The following APAF1 variants were observed in gnomAD, a reference collection of about 807,000 sequenced individuals.
APAF1 encodes apoptotic protease-activating factor 1.
Under a neutral mutation model 152.4 loss-of-function variants are expected in APAF1, and 91 were observed. The ratio of observed to expected loss-of-function variants is 0.60; its 90% CI spans 0.50 to 0.71. APAF1 has a LOEUF of 0.71. APAF1 is among the 30% of genes least tolerant of loss of function. APAF1 has a pLI of 0.00. For missense variants in APAF1, 1,283 were observed against 1,472.0 expected (o/e 0.87, Z 2.10); for synonymous variants, 484 against 494.1 (o/e 0.98, Z 0.27).
chr12:98,659,332 C>G lies in APAF1; in HGVS notation c.699C>G (p.Arg233=). 1 of 1,614,188 alleles carries G rather than the reference C, an allele frequency of 6.2e-7. No homozygotes were observed. The highest frequency in any genetic ancestry group is 8.5e-7 in the Non-Finnish European group (1 of 1,180,034). ...AKDRLRILML[R]KHPRSLLILD... is the part of the protein sequence containing the mutation. The stretch of plus-strand genomic sequence containing the variant: ...ACCGTCTCCGCATTCTGATGCTTCG[C>G]AAACACCCAAGGTACCGATGGTCAA... Residue 233 remains arginine, a synonymous_variant, in exon 5 of 27, where the codon CGC becomes CGG. Transcript: ENST00000551964.
chr12:98,673,467 A>C (rs963104025), intron 12 of APAF1, among the ~76,000 whole-genome samples: 9 of 151,648 alleles, frequency 5.9e-5, no homozygotes, highest in East Asian at 3.9e-4. Flanking sequence ...CAAAAAAAAA[A>C]CCTTGGGTCT....
chr12:98,720,275 T>A (rs1384122656), intron 22 of APAF1, among the ~76,000 whole-genome samples: 2 of 152,228 alleles, frequency 1.3e-5, no homozygotes, highest in African/African-American at 4.8e-5. Context: ...ATGAGTTAAG[T>A]AGTTGTGTTT....
intron 16 of APAF1, among the ~76,000 whole-genome samples, chr12:98,696,830 A>T (rs758799249): frequency 4.6e-5 from 7 of 152,140 alleles, no homozygotes; most frequent in Admixed American, 1.3e-4. Flanking sequence ...AAATGTATTT[A>T]TTGAATACTT....
intron 22 of APAF1, among the ~76,000 whole-genome samples, chr12:98,719,362 C>CT (rs796183480): frequency 1.3e-5 from 2 of 151,444 alleles, no homozygotes; most frequent in Non-Finnish European, 2.9e-5. Context: ...CTTTTCTTTT[C>CT]TTTTTTTTGA....
At chr12:98,710,247 T>C (rs1203540405) in intron 20 of APAF1, among the ~76,000 whole-genome samples, 1 of 149,748 alleles carries the variant, frequency 6.7e-6, no homozygotes, top group African/African-American at 2.5e-5. Flanking sequence ...ATTTAGGGCC[T>C]TTCATTAGCT....
At chr12:98,648,529 T>TA in intron 2 of APAF1, 32 bp downstream of exon 2, 1 of 1,609,868 alleles carries the variant, frequency 6.2e-7, no homozygotes, top group Non-Finnish European at 8.5e-7. Context: ...CACACTTCCT[T>TA]AAAAATTTTT....
chr12:98,732,790 A>AG lies in APAF1; in HGVS notation c.*226dup. On this transcript the variant is annotated 3_prime_UTR_variant, in exon 27 of 27. Transcript: ENST00000551964. The stretch of plus-strand genomic sequence containing the variant: ...TGATCATCATTAACAGTTTGTCCTT[A>AG]GGATGCAAATGAAAATGTGAATACA... The AG allele has an allele frequency of 2.0e-6, 1 of 504,376 alleles. No homozygotes were observed. The highest frequency in any genetic ancestry group is 3.5e-6 in the Non-Finnish European group (1 of 283,104). 31.2% of individuals were successfully genotyped at this position (504,376 alleles called of 1,614,324 possible).
intron 9 of APAF1, among the ~76,000 whole-genome samples, 197 bp from the exon 10 acceptor site, chr12:98,667,316 A>G (rs1026546228): frequency 2.0e-5 from 3 of 151,532 alleles, no homozygotes; most frequent in African/African-American, 4.8e-5. Context: ...ATATCTCTCT[A>G]TGTTGCCCAG....
intron 5 of APAF1, among the ~76,000 whole-genome samples, chr12:98,661,938 T>C (rs2097665927): frequency 6.6e-6 from 1 of 152,008 alleles, no homozygotes; most frequent in Non-Finnish European, 1.5e-5. Flanking sequence ...AATAAACAAA[T>C]TGATTAAAAA....
intron 12 of APAF1, among the ~76,000 whole-genome samples, chr12:98,676,452 G>T (rs190326312): frequency 4.5e-4 from 68 of 151,880 alleles, no homozygotes; most frequent in African/African-American, 1.6e-3. Flanking sequence ...CAAGTGATCT[G>T]CCCGCCTCGT....
chr12:98,678,124 T>C (rs954037610), intron 13 of APAF1, among the ~76,000 whole-genome samples: 3 of 152,260 alleles, frequency 2.0e-5, no homozygotes, highest in Non-Finnish European at 4.4e-5. Context: ...CTTTGCAAGA[T>C]TATGACTCCA....
intron 4 of APAF1, among the ~76,000 whole-genome samples, chr12:98,655,250 C>T (rs1049900918): frequency 1.6e-4 from 24 of 148,406 alleles, no homozygotes; most frequent in Non-Finnish European, 3.4e-4. Context: ...GACACGGCAA[C>T]CATCCGATTT....
rs375182344 is a variant in APAF1 at position 98,677,466 on chromosome 12, G to A, written c.1835G>A (p.Arg612His). The A allele has an allele frequency of 2.7e-5, 44 of 1,613,816 alleles. No individual in the cohort carries two copies. The Middle Eastern group carries it at 8.2e-4, about 30-fold the overall frequency. ...ACGAATCTTTCCCGCTTAGTTGTCC[G>A]CCCCCACACAGATGCTGTTTACCAT... ...NITNLSRLVVRPHTDAVYHAC... is the reference protein window; with the variant it reads ...NITNLSRLVVHPHTDAVYHAC... Residue 612 changes from arginine (R) to histidine (H), a missense_variant, in exon 13 of 27, where the codon CGC becomes CAC. By Grantham distance (29) the Arg-to-His change is conservative. Coordinates refer to ENST00000551964, the MANE Select transcript of APAF1 (RefSeq NM_181861.2).
At position 98,703,358 on chromosome 12, in the gene APAF1, T is replaced by G. The variant is rs1312975760; in HGVS notation, c.2467-13T>G. 1 of 1,613,882 alleles carries G rather than the reference T, an allele frequency of 6.2e-7. No homozygotes were observed. The highest frequency in any genetic ancestry group is 8.5e-7 in the Non-Finnish European group (1 of 1,179,878). ...TATTTTACCTTCATAGGTATCTCTA[T>G]TTATGTTGACAGCTTTTTGACATTC... On this transcript the variant is annotated splice_polypyrimidine_tract_variant and intron_variant, in intron 17 of 26. Coordinates refer to ENST00000551964, the MANE Select transcript of APAF1 (RefSeq NM_181861.2).
rs541318093 is a variant in APAF1, at chr12:98,664,696, G to A, written c.956-857G>A. 1.5e-4 allele frequency among the ~76,000 whole-genome samples: 23 copies of A among 152,006 alleles called. No homozygotes were observed. The South Asian group carries it at 4.8e-3, about 32-fold the overall frequency. ...CTGCAGATACCCACCACCACACCTG[G>A]GTAATTTTTAAATTTTTTTGTAGGG... On this transcript the variant is annotated intron_variant, in intron 7 of 26. Coordinates refer to ENST00000551964, the MANE Select transcript of APAF1 (RefSeq NM_181861.2).
chr12:98,675,005 C>G (rs77492371), intron 12 of APAF1, among the ~76,000 whole-genome samples: 3,651 of 152,210 alleles, frequency 0.024, 130 homozygotes, highest in African/African-American at 0.084. Context: ...TTCTTGTTCT[C>G]TTATGAATTG....
At chr12:98,730,689 A>G (rs998189816) in intron 26 of APAF1, among the ~76,000 whole-genome samples, 18 of 152,376 alleles carry the variant, frequency 1.2e-4, no homozygotes, top group African/African-American at 3.8e-4. Context: ...TCTACCCAGC[A>G]TGTTAATGAG....
intron 21 of APAF1, among the ~76,000 whole-genome samples, chr12:98,713,628 A>T (rs545133464): frequency 6.6e-6 from 1 of 152,380 alleles, no homozygotes; most frequent in South Asian, 2.1e-4. Flanking sequence ...TCTTTATCAC[A>T]AGTGAAATTC....
At chr12:98,724,106 G>A (rs959933230) in intron 24 of APAF1, among the ~76,000 whole-genome samples, 4 of 152,142 alleles carry the variant, frequency 2.6e-5, no homozygotes, top group South Asian at 2.1e-4. Context: ...TATAATTGAC[G>A]TGTGTCTAAA....
Sources: allele counts gnomAD v4.1 joint callset (sites outside exome capture counted in the v4.1 genomes callset), GRCh38; gene constraint gnomAD v4.1.1; transcripts MANE v1.5; gene names NCBI Gene and HGNC (gene_info 2026-07-23, HGNC 2026-07-21).